CHD6: variants seen among roughly 807,000 people sequenced by gnomAD.
CHD6 encodes ATP-dependent chromatin remodeler CHD6.
CHD6 carries 50 observed loss-of-function variants against 276.9 expected under a neutral mutation model. That is an observed-to-expected ratio of 0.18 (90% CI 0.14 to 0.23). The LOEUF is 0.23. Among genes scored for constraint, CHD6 ranks in the 10% least tolerant of loss-of-function variants. The probability of loss-of-function intolerance (pLI) is 1.00; values close to 1 mark genes in which losing one functional copy is unlikely to be tolerated. For missense variants in CHD6, 2,564 were observed against 3,365.8 expected (o/e 0.76, Z 5.89); for synonymous variants, 1,173 against 1,229.3 (o/e 0.95, Z 0.96).
chr20:41,516,327 T>C (rs934708237), intron 3 of CHD6, among the ~76,000 whole-genome samples: 14 of 152,018 alleles, frequency 9.2e-5, no homozygotes, highest in African/African-American at 4.8e-5. Flanking sequence ...GCATGGCTAA[T>C]TGTTTTTGTT....
At chr20:41,606,468 C>G (rs2045829929) in intron 1 of CHD6, among the ~76,000 whole-genome samples, 1 of 152,048 alleles carries the variant, frequency 6.6e-6, no homozygotes, top group Admixed American at 6.5e-5. Flanking sequence ...GAGCCGAGAT[C>G]GTGCCACTGC....
In CHD6 at chr20:41,404,674, A is replaced by G; in HGVS notation, c.8067T>C (p.Ser2689=). The part of the protein sequence containing the change: ...PSGDENCAEP[S]APLPAEREHG... The stretch of plus-strand genomic sequence containing the variant: ...GTTCTCTCTCTGCGGGCAAAGGGGC[A>G]CTGGGTTCGGCACAGTTCTCATCAC... The change falls in exon 37 of 37, where the codon AGT becomes AGC. Residue 2689 remains serine, a synonymous_variant. Coordinates refer to ENST00000373233, the MANE Select transcript of CHD6 (RefSeq NM_032221.5). 6.4e-7 allele frequency: 1 copy of G among 1,555,982 alleles called. No individual in the cohort carries two copies.
intron 2 of CHD6, among the ~76,000 whole-genome samples, chr20:41,549,335 C>T (rs555964870): frequency 1.9e-4 from 29 of 150,780 alleles, no homozygotes; most frequent in South Asian, 1.9e-3. Flanking sequence ...GAGTTCATGT[C>T]CTTTGTAGGG....
At chr20:41,495,338 A>G (rs560734033) in intron 8 of CHD6, among the ~76,000 whole-genome samples, 1 of 152,354 alleles carries the variant, frequency 6.6e-6, no homozygotes, top group Admixed American at 6.5e-5. Flanking sequence ...GATGTTATAC[A>G]AAGTAAAATA....
chr20:41,476,554 C>A (rs1232575095), intron 16 of CHD6, among the ~76,000 whole-genome samples: 1 of 152,072 alleles, frequency 6.6e-6, no homozygotes, highest in African/African-American at 2.4e-5. Context: ...CCATTCACAA[C>A]AGTTACAAGC....
At position 41,472,291 on chromosome 20, in the gene CHD6, G is replaced by A. The variant is rs372695951; in HGVS notation, c.2664+1031C>T. Among the ~76,000 whole-genome samples the A allele has an allele frequency of 7.4e-4, 112 of 151,870 alleles. 1 individual carries two copies. The highest frequency in any genetic ancestry group is 2.6e-3 in the African/African-American group (109 of 41,388). ...TAGACAAAGCAGCAACTCTGTAGGA[G>A]TGGGTGGGTAGAGAAGAAGCCCAGA... On this transcript the variant is annotated intron_variant, in intron 17 of 36. Transcript: ENST00000373233.
intron 5 of CHD6, among the ~76,000 whole-genome samples, chr20:41,510,095 G>A (rs1430725876): frequency 6.6e-6 from 1 of 152,168 alleles, no homozygotes. Context: ...TCTCTGCCCT[G>A]AGCTAAAGCT....
chr20:41,453,825 T>G (rs139507047), intron 20 of CHD6, among the ~76,000 whole-genome samples: 1 of 152,130 alleles, frequency 6.6e-6, no homozygotes, highest in South Asian at 2.1e-4. Context: ...AGCATTTCTA[T>G]TTATAGGAGA....
chr20:41,413,609 C>T, intron 34 of CHD6, 94 bp from the exon 35 acceptor site: 1 of 1,034,482 alleles, frequency 9.7e-7, no homozygotes, highest in Non-Finnish European at 1.4e-6. Context: ...TGAATCACTC[C>T]ACCTATTTCC....
intron 16 of CHD6, 107 bp downstream of exon 16, chr20:41,483,202 G>GTTTTTGAATGTTTTGTGT: frequency 1.1e-6 from 1 of 947,168 alleles, no homozygotes; most frequent in Non-Finnish European, 1.5e-6. Flanking sequence ...CCTTTCCTCC[G>GTTTTTGAATGTTTTGTGT]TTTTTGAATG....
chr20:41,616,952 T>C (rs1485213715), intron 1 of CHD6, among the ~76,000 whole-genome samples: 1 of 152,084 alleles, frequency 6.6e-6, no homozygotes, highest in Non-Finnish European at 1.5e-5. Flanking sequence ...AACCGAGTGG[T>C]CTGCCCCGGT....
At chr20:41,534,892 G>T (rs551063266) in intron 2 of CHD6, among the ~76,000 whole-genome samples, 1 of 152,236 alleles carries the variant, frequency 6.6e-6, no homozygotes, top group African/African-American at 2.4e-5. Flanking sequence ...AAGGCAAGAA[G>T]AAATCCAGCA....
rs548221903 is a variant in CHD6 at position 41,557,631 on chromosome 20, G to A, written c.-23-6271C>T. On this transcript the variant is annotated intron_variant, in intron 1 of 36. Coordinates refer to ENST00000373233, the MANE Select transcript of CHD6 (RefSeq NM_032221.5). ...ACAATCCCTGCTCAGTCCAAGGGTC[G>A]ACTGCATTACAAGAGTGTGTGTTTT... Among the ~76,000 whole-genome samples, 76 of 152,222 alleles carry A rather than the reference G, an allele frequency of 5.0e-4. 1 individual carries two copies. The highest frequency in any genetic ancestry group is 1.6e-3 in the African/African-American group (67 of 41,524).
chr20:41,512,985 G>C lies in CHD6; in HGVS notation c.713C>G (p.Ser238Trp). ...TESTDSQKRR[S>W]GRQVKRRKYN... ...TTTTCTGCGCTTTACTTGCCTTCCCGAGCGTCGTTTCTGTAGGGCAAACAC... is the reference window on the plus strand; with the variant it reads ...TTTTCTGCGCTTTACTTGCCTTCCCCAGCGTCGTTTCTGTAGGGCAAACAC... The change falls in exon 5 of 37, where the codon TCG (serine) becomes TGG (tryptophan). Residue 238 changes from serine to tryptophan, a missense_variant. Physicochemically the swap from Ser to Trp is radical, Grantham distance 177. Coordinates refer to ENST00000373233, the MANE Select transcript of CHD6 (RefSeq NM_032221.5). 1 of 1,613,942 alleles carries C rather than the reference G, an allele frequency of 6.2e-7. No individual in the cohort carries two copies. Among genetic ancestry groups the C allele is most frequent in the Non-Finnish European group, 8.5e-7 (1 of 1,179,896 alleles).
intron 16 of CHD6, among the ~76,000 whole-genome samples, chr20:41,480,023 A>C (rs1009152493): frequency 2.0e-5 from 3 of 152,200 alleles, no homozygotes; most frequent in Non-Finnish European, 1.5e-5. Context: ...ACAACCTAGA[A>C]TCTCAAATCC....
intron 1 of CHD6, among the ~76,000 whole-genome samples, chr20:41,592,219 C>A (rs987179508): frequency 2.6e-5 from 4 of 151,590 alleles, no homozygotes; most frequent in Non-Finnish European, 5.9e-5. Flanking sequence ...CAAAACAAAA[C>A]AAAAAAAACT....
chr20:41,549,095 G>A (rs1463929063), intron 2 of CHD6, among the ~76,000 whole-genome samples: 2 of 151,970 alleles, frequency 1.3e-5, no homozygotes, highest in African/African-American at 2.4e-5. Context: ...CGATTCCTCA[G>A]GGATCTAGAA....
intron 6 of CHD6, 53 bp downstream of exon 6, chr20:41,499,242 A>G: frequency 7.1e-7 from 1 of 1,401,140 alleles, no homozygotes; most frequent in South Asian, 1.3e-5. Context: ...ATCTCTTCAC[A>G]GAAGATGTAA....
rs548477018 is a variant in CHD6, at chr20:41,416,918, TACTC to T, written c.6280-128_6280-125del. The T allele has an allele frequency of 2.8e-4, 228 of 810,624 alleles. No individual in the cohort carries two copies. In the Middle Eastern group the frequency reaches 3.2e-3, roughly 12 times the overall value. 50.2% of individuals were successfully genotyped at this position (810,624 alleles called of 1,614,324 possible). A position where few individuals can be genotyped will look rare whatever the true frequency, so the allele number is the denominator to read the frequency against. ...GATAAGAAAAGAGCACACTCAAACA[TACTC>T]ACTTTATAAGGCTTAAAATAAAAAT... On this transcript the variant is annotated intron_variant, in intron 32 of 36. Transcript: ENST00000373233.
Sources: gnomAD v4.1 joint callset for allele counts (sites outside exome capture counted in the v4.1 genomes callset) on GRCh38, gnomAD v4.1.1 for gene constraint, MANE v1.5 for transcripts, NCBI Gene and HGNC (gene_info 2026-07-23, HGNC 2026-07-21) for gene names.